The following PKDCC variants were observed in gnomAD, a reference collection of about 807,000 sequenced individuals.
PKDCC encodes the protein protein kinase domain containing, cytoplasmic.
A neutral mutation model predicts 44.7 loss-of-function variants in PKDCC; 35 were observed. That is an observed-to-expected ratio of 0.78 (90% CI 0.60 to 1.04). PKDCC has a LOEUF of 1.04. Among genes scored for constraint, PKDCC ranks in the 50% least tolerant of loss-of-function variants. The probability of loss-of-function intolerance (pLI) is 0.00; values close to 1 mark genes in which losing one functional copy is unlikely to be tolerated. For synonymous variants in PKDCC, 353 were observed against 303.3 expected, an observed-to-expected ratio of 1.16 and a Z score of -1.70; for missense variants, 738 against 672.7, an observed-to-expected ratio of 1.10 and a Z score of -1.07.
At position 42,057,934 on chromosome 2, in the gene PKDCC, C is replaced by T; in HGVS notation, c.*246C>T. 1 of 534,184 alleles carries T rather than the reference C, an allele frequency of 1.9e-6. No homozygotes were observed. The highest frequency in any genetic ancestry group is 2.3e-5 in the South Asian group (1 of 43,182). 33.1% of individuals were successfully genotyped at this position (534,184 alleles called of 1,614,324 possible). A position where few individuals can be genotyped will look rare whatever the true frequency, so the allele number is the denominator to read the frequency against. On this transcript the variant is annotated 3_prime_UTR_variant, in exon 7 of 7. Coordinates refer to ENST00000294964, the MANE Select transcript of PKDCC (RefSeq NM_138370.3). Reference sequence around the variant, plus strand: ...AGGAATCATGGGGGTATGACTGCCTCTCCAACCCTGTGGGCTGTAAGCAAG... The same window carrying T: ...AGGAATCATGGGGGTATGACTGCCTTTCCAACCCTGTGGGCTGTAAGCAAG...
At position 42,048,561 on chromosome 2, in the gene PKDCC, C is replaced by A; in HGVS notation, c.362C>A (p.Pro121Gln). 1 of 1,304,914 alleles carries A rather than the reference C, an allele frequency of 7.7e-7. No homozygotes were observed. Among genetic ancestry groups the A allele is most frequent in the Non-Finnish European group, 9.7e-7 (1 of 1,033,650 alleles). The allele number at this position is 1,304,914 out of a possible 1,614,324, so 80.8% of individuals were successfully genotyped here. The change falls in exon 1 of 7, where the codon CCA becomes CAA. Residue 121 changes from proline (P) to glutamine (Q), a missense_variant. Physicochemically the swap from Pro to Gln is moderately conservative, Grantham distance 76. Coordinates refer to ENST00000294964, the MANE Select transcript of PKDCC (RefSeq NM_138370.3). This position sits in a 1 kb window ranked among gnomAD's most constrained non-coding sequence, Gnocchi z 6.2. ...CCAGGCTGGCCCCCGGCTCCCGGCC[C>A]AGGCTCCCCCGGCCCGGGCCCGCGC... is the stretch of plus-strand genomic sequence containing the variant. ...GAPGWPPAPG[P>Q]GSPGPGPRLG...
Position 42,057,812 on chromosome 2 carries a change from C to T in PKDCC, c.*124C>T, listed in dbSNP as rs920826586. The T allele has an allele frequency of 3.0e-5, 23 of 761,070 alleles. 1 individual carries two copies. Among genetic ancestry groups the T allele is most frequent in the Non-Finnish European group, 4.7e-5 (22 of 464,966 alleles). The allele number at this position is 761,070 out of a possible 1,614,324, so 47.1% of individuals were successfully genotyped here. ...AACCCCTGCAGACAAAGCTAACATCCCAGACAGACAGATGTGACCAGGACA... is the reference window on the plus strand; with the variant it reads ...AACCCCTGCAGACAAAGCTAACATCTCAGACAGACAGATGTGACCAGGACA... On this transcript the variant is annotated 3_prime_UTR_variant, in exon 7 of 7. Coordinates refer to ENST00000294964, the MANE Select transcript of PKDCC (RefSeq NM_138370.3).
rs112568787 is a variant in PKDCC, at chr2:42,057,931, C to T, written c.*243C>T. 867 of 533,526 alleles carry T rather than the reference C, an allele frequency of 1.6e-3. 7 individuals carry two copies. Among genetic ancestry groups the T allele is most frequent in the African/African-American group, 0.014 (761 of 52,630 alleles). The allele number at this position is 533,526 out of a possible 1,614,324, so 33.0% of individuals were successfully genotyped here. A position where few individuals can be genotyped will look rare whatever the true frequency, so the allele number is the denominator to read the frequency against. ...TCCAGGAATCATGGGGGTATGACTG[C>T]CTCTCCAACCCTGTGGGCTGTAAGC... On this transcript the variant is annotated 3_prime_UTR_variant, in exon 7 of 7. Coordinates refer to ENST00000294964, the MANE Select transcript of PKDCC (RefSeq NM_138370.3).
At chr2:42,050,216 C>T (rs1489103037) in intron 1 of PKDCC, among the ~76,000 whole-genome samples, 5 of 152,218 alleles carry the variant, frequency 3.3e-5, no homozygotes, top group Admixed American at 3.3e-4. Flanking sequence ...AGCCTGGCTG[C>T]ACAGCTCACA....
At position 42,054,167 on chromosome 2, in the gene PKDCC, C is replaced by T. The variant is rs761404378; in HGVS notation, c.894C>T (p.Asp298=). Residue 298 remains aspartate, a synonymous_variant, in exon 3 of 7, where the codon GAC becomes GAT. Coordinates refer to ENST00000294964, the MANE Select transcript of PKDCC (RefSeq NM_138370.3). This position sits in a 1 kb window ranked among gnomAD's most constrained non-coding sequence, Gnocchi z 6.1. ...AGCTCAAAGTGACGGACCTGGATGA[C>T]GCACGTGTGGAGGAGACGCCGTGTG... The part of the protein sequence containing the change: ...DGELKVTDLD[D]ARVEETPCAG... The T allele has an allele frequency of 8.1e-6, 13 of 1,612,464 alleles. No individual in the cohort carries two copies. Among genetic ancestry groups the T allele is most frequent in the Middle Eastern group, 1.7e-4 (1 of 5,892 alleles).
intron 1 of PKDCC, among the ~76,000 whole-genome samples, chr2:42,049,095 C>G (rs1363940029): frequency 6.6e-6 from 1 of 152,090 alleles, no homozygotes; most frequent in Non-Finnish European, 1.5e-5. Context: ...CAGAGGCTCC[C>G]AAAACTCAGG....
chr2:42,049,986 T>G (rs527760577), intron 1 of PKDCC, among the ~76,000 whole-genome samples: 180 of 152,248 alleles, frequency 1.2e-3, no homozygotes, highest in South Asian at 1.9e-3. Context: ...AGTCCCTCTC[T>G]CCTTTCCTTA....
rs1282468165 is a variant in PKDCC at position 42,057,886 on chromosome 2, A to G, written c.*198A>G. On this transcript the variant is annotated 3_prime_UTR_variant, in exon 7 of 7. Transcript: ENST00000294964. ...AAAATGTGAGTTTACCAGCCTAGCT[A>G]TGGGACTGCTGGCTCCTAGTCCAGG... The G allele has an allele frequency of 8.4e-5, 49 of 586,318 alleles. 1 individual carries two copies. Among genetic ancestry groups the G allele is most frequent in the Non-Finnish European group, 1.3e-4 (44 of 329,962 alleles). The allele number at this position is 586,318 out of a possible 1,614,324, so 36.3% of individuals were successfully genotyped here. A position where few individuals can be genotyped will look rare whatever the true frequency, so the allele number is the denominator to read the frequency against.
At chr2:42,056,832 G>A (rs1377425062) in intron 5 of PKDCC, among the ~76,000 whole-genome samples, 2 of 152,066 alleles carry the variant, frequency 1.3e-5, no homozygotes, top group African/African-American at 4.8e-5. Context: ...TAATTCACAT[G>A]CACATTGAAG....
rs1558433742 is a variant in PKDCC at position 42,057,585 on chromosome 2, C to T, written c.1397-18C>T. On this transcript the variant is annotated intron_variant, in intron 6 of 6. Transcript: ENST00000294964. ...AGAGAAACATCCAGCCCTGTTACCT[C>T]TCACCTCTGCCCCCCAGGTCGGCAG... 6.2e-7 allele frequency: 1 copy of T among 1,612,200 alleles called. No individual in the cohort carries two copies. Among genetic ancestry groups the T allele is most frequent in the Non-Finnish European group, 8.5e-7 (1 of 1,179,154 alleles).
chr2:42,055,691 C>T lies in PKDCC; in HGVS notation c.1222+298C>T, dbSNP rs1668042077. 3.2e-6 allele frequency: 1 copy of T among 309,280 alleles called. No individual in the cohort carries two copies. Among genetic ancestry groups the T allele is most frequent in the Non-Finnish European group, 6.0e-6 (1 of 166,072 alleles). 19.2% of individuals were successfully genotyped at this position (309,280 alleles called of 1,614,324 possible). A position where few individuals can be genotyped will look rare whatever the true frequency, so the allele number is the denominator to read the frequency against. On this transcript the variant is annotated intron_variant, in intron 5 of 6. Transcript: ENST00000294964. The surrounding 1 kb of genome is among the most constrained non-coding windows in gnomAD (Gnocchi z 4.5). ...GCTATATGACTTTGAGCAAGTTACC[C>T]CTTGAACCTCACTTTCCTCATCTGT...
rs1668020397 is a variant in PKDCC at position 42,054,434 on chromosome 2, C to A, written c.1034+127C>A. The A allele has an allele frequency of 9.7e-6, 11 of 1,139,560 alleles. No individual in the cohort carries two copies. The highest frequency in any genetic ancestry group is 1.4e-5 in the Non-Finnish European group (11 of 811,912). The allele number at this position is 1,139,560 out of a possible 1,614,324, so 70.6% of individuals were successfully genotyped here. A position where few individuals can be genotyped will look rare whatever the true frequency, so the allele number is the denominator to read the frequency against. On this transcript the variant is annotated intron_variant, in intron 3 of 6. Coordinates refer to ENST00000294964, the MANE Select transcript of PKDCC (RefSeq NM_138370.3). This position sits in a 1 kb window ranked among gnomAD's most constrained non-coding sequence, Gnocchi z 6.1. Reference sequence around the variant, plus strand: ...CAGCCTTGACCAGAGCAAGGGAAGGCTTCTACCCTGTCCAGAAGGGAACAT... The same window carrying A: ...CAGCCTTGACCAGAGCAAGGGAAGGATTCTACCCTGTCCAGAAGGGAACAT...
In PKDCC at chr2:42,057,902, C is replaced by A; in HGVS notation, c.*214C>A. On this transcript the variant is annotated 3_prime_UTR_variant, in exon 7 of 7. Coordinates refer to ENST00000294964, the MANE Select transcript of PKDCC (RefSeq NM_138370.3). The stretch of plus-strand genomic sequence containing the variant: ...AGCCTAGCTATGGGACTGCTGGCTC[C>A]TAGTCCAGGAATCATGGGGGTATGA... 3.5e-6 allele frequency: 2 copies of A among 573,038 alleles called. No individual in the cohort carries two copies. The allele number at this position is 573,038 out of a possible 1,614,324, so 35.5% of individuals were successfully genotyped here.
intron 2 of PKDCC, 155 bp downstream of exon 2, chr2:42,053,516 C>CA (rs1668004144): frequency 9.4e-7 from 1 of 1,061,660 alleles, no homozygotes; most frequent in African/African-American, 1.6e-5. Flanking sequence ...CCAAAGGGTT[C>CA]AAAAAAGAAG....
At position 42,054,928 on chromosome 2, in the gene PKDCC, C is replaced by T. The variant is rs1242725138; in HGVS notation, c.1035-13C>T. 2.5e-6 allele frequency: 4 copies of T among 1,610,400 alleles called. No individual in the cohort carries two copies. The South Asian group carries it at 3.3e-5, about 13-fold the overall frequency. ...GGCTGGATTCCTGAGCCACTGGTTT[C>T]CCTCTGCCACAGGTTTTTCTTCACA... On this transcript the variant is annotated splice_polypyrimidine_tract_variant and intron_variant, in intron 3 of 6. Transcript: ENST00000294964. The surrounding 1 kb of genome is among the most constrained non-coding windows in gnomAD (Gnocchi z 6.1).
chr2:42,050,761 T>A (rs988308978), intron 1 of PKDCC, among the ~76,000 whole-genome samples: 20 of 152,092 alleles, frequency 1.3e-4, no homozygotes, highest in African/African-American at 4.8e-4. Flanking sequence ...AGGTCCTTTC[T>A]ACCCAGGAAA....
chr2:42,055,708 CTCA>C lies in PKDCC; in HGVS notation c.1222+318_1222+320del. ...AAGTTACCCCTTGAACCTCACTTTC[CTCA>C]TCTGTGAATTGGGTTCACTATTACC... On this transcript the variant is annotated intron_variant, in intron 5 of 6. Coordinates refer to ENST00000294964, the MANE Select transcript of PKDCC (RefSeq NM_138370.3). The surrounding 1 kb of genome is among the most constrained non-coding windows in gnomAD (Gnocchi z 4.5). 1 of 277,854 alleles carries C rather than the reference CTCA, an allele frequency of 3.6e-6. No individual in the cohort carries two copies. The highest frequency in any genetic ancestry group is 7.4e-5 in the East Asian group (1 of 13,522). 17.2% of individuals were successfully genotyped at this position (277,854 alleles called of 1,614,324 possible).
chr2:42,053,163 G>C (rs879003550), intron 1 of PKDCC, 76 bp from the exon 2 acceptor site: 1 of 1,294,988 alleles, frequency 7.7e-7, no homozygotes, highest in Non-Finnish European at 1.1e-6. Context: ...AGAGAGAGGG[G>C]GAACCTGACA....
In PKDCC at chr2:42,057,611, C is replaced by G; in HGVS notation, c.1405C>G (p.Leu469Val). The G allele has an allele frequency of 6.2e-7, 1 of 1,613,836 alleles. No homozygotes were observed. Among genetic ancestry groups the G allele is most frequent in the Non-Finnish European group, 8.5e-7 (1 of 1,179,938 alleles). ...TNQTTWTGRQ[L>V]VFFKTGWSQV... Reference sequence around the variant, plus strand: ...TCACCTCTGCCCCCCAGGTCGGCAGCTGGTCTTTTTCAAGACTGGATGGAG... The same window carrying G: ...TCACCTCTGCCCCCCAGGTCGGCAGGTGGTCTTTTTCAAGACTGGATGGAG... Residue 469 changes from leucine (L) to valine (V), a missense_variant, in exon 7 of 7, where the codon CTG (leucine) becomes GTG (valine). Coordinates refer to ENST00000294964, the MANE Select transcript of PKDCC (RefSeq NM_138370.3).
Sources: allele counts gnomAD v4.1 joint callset (sites outside exome capture counted in the v4.1 genomes callset), GRCh38; gene constraint gnomAD v4.1.1; non-coding constraint Gnocchi (gnomAD v3.1); transcripts MANE v1.5; gene names NCBI Gene and HGNC (gene_info 2026-07-23, HGNC 2026-07-21).